Variants in BBS9 observed in about 807,000 individuals in gnomAD.
The protein encoded by BBS9 is protein PTHB1.
Under a neutral mutation model 117.7 loss-of-function variants are expected in BBS9, and 89 were observed. That is an observed-to-expected ratio of 0.76 (90% CI 0.64 to 0.90). The LOEUF (loss-of-function observed/expected upper bound fraction) is 0.90. Among genes scored for constraint, BBS9 ranks in the 40% least tolerant of loss-of-function variants. BBS9 has a pLI of 0.00. For missense variants in BBS9, 982 were observed against 1,042.2 expected (o/e 0.94, Z 0.80); for synonymous variants, 379 against 370.9 (o/e 1.02, Z -0.25).
In BBS9 at chr7:33,621,383, C is replaced by T. The variant is rs554858250; in HGVS notation, c.2522-13794C>T. ...ATCTGATTGAAAAATGGGCAAAGGA[C>T]CTGAATAGACATTTCTCAAAAGAAG... On this transcript the variant is annotated intron_variant, in intron 21 of 21. Transcript: ENST00000671952. Among the ~76,000 whole-genome samples the T allele has an allele frequency of 8.5e-5, 13 of 152,172 alleles. No homozygotes were observed. The South Asian group carries it at 2.5e-3, about 29-fold the overall frequency.
chr7:33,385,266 A>G (rs1204508279), intron 18 of BBS9, among the ~76,000 whole-genome samples: 1 of 152,222 alleles, frequency 6.6e-6, no homozygotes. Flanking sequence ...CTTAGAGAAT[A>G]TGGTGAATGA....
intron 19 of BBS9, among the ~76,000 whole-genome samples, chr7:33,440,766 C>T (rs572729171): frequency 3.3e-5 from 5 of 152,114 alleles, no homozygotes; most frequent in Non-Finnish European, 7.3e-5. Flanking sequence ...TACCATTGCA[C>T]GAGGTAGCCC....
chr7:33,581,025 A>C (rs1585346291), intron 21 of BBS9, among the ~76,000 whole-genome samples: 1 of 152,230 alleles, frequency 6.6e-6, no homozygotes, highest in East Asian at 1.9e-4. Flanking sequence ...TGGCCGTCAG[A>C]GAAAGCCTTT....
intron 19 of BBS9, among the ~76,000 whole-genome samples, chr7:33,483,850 C>A (rs893376404): frequency 6.6e-6 from 1 of 152,080 alleles, no homozygotes; most frequent in Admixed American, 6.6e-5. Flanking sequence ...GTTACCCAGG[C>A]TGGTCTCAAA....
chr7:33,201,376 A>AT (rs944840115), intron 5 of BBS9, among the ~76,000 whole-genome samples: 3 of 150,702 alleles, frequency 2.0e-5, no homozygotes, highest in South Asian at 2.1e-4. Context: ...TTTATTGTTA[A>AT]TTTTTTTTTC....
At chr7:33,384,773 T>C (rs1469447677) in intron 18 of BBS9, among the ~76,000 whole-genome samples, 1 of 151,768 alleles carries the variant, frequency 6.6e-6, no homozygotes, top group Non-Finnish European at 1.5e-5. Context: ...CAGCCAACCA[T>C]TGAACATTCT....
chr7:33,130,184 A>G (rs1168307263), intron 1 of BBS9, 143 bp downstream of exon 1: 1 of 152,192 alleles, frequency 6.6e-6, no homozygotes, highest in Non-Finnish European at 1.5e-5. Flanking sequence ...ACTGAAATAA[A>G]CAAACACTAG....
At chr7:33,545,417 C>G (rs1853143070) in intron 21 of BBS9, among the ~76,000 whole-genome samples, 1 of 152,120 alleles carries the variant, frequency 6.6e-6, no homozygotes, top group Admixed American at 6.6e-5. Context: ...TTGCTTGGCT[C>G]TCTAACTTGA....
intron 21 of BBS9, among the ~76,000 whole-genome samples, chr7:33,557,990 T>G (rs1855537925): frequency 6.6e-6 from 1 of 152,234 alleles, no homozygotes. Context: ...TGATGGCTCA[T>G]GAAGTCAGTT....
intron 19 of BBS9, among the ~76,000 whole-genome samples, chr7:33,402,749 A>G (rs531721970): frequency 1.3e-5 from 2 of 152,298 alleles, no homozygotes; most frequent in Admixed American, 6.5e-5. Flanking sequence ...TTACAAAGGT[A>G]TATTGCATGA....
chr7:33,512,812 C>G (rs1847164054), intron 20 of BBS9, among the ~76,000 whole-genome samples: 1 of 152,204 alleles, frequency 6.6e-6, no homozygotes, highest in South Asian at 2.1e-4. Context: ...TCTCCGTGTT[C>G]AGTTCATCTC....
intron 16 of BBS9, among the ~76,000 whole-genome samples, chr7:33,362,478 C>T (rs1159650598): frequency 6.6e-6 from 1 of 152,038 alleles, no homozygotes; most frequent in Non-Finnish European, 1.5e-5. Flanking sequence ...CATGTTTTTG[C>T]ATCTGGGTGT....
chr7:33,228,850 G>T (rs1197843143), intron 5 of BBS9, among the ~76,000 whole-genome samples: 2 of 152,114 alleles, frequency 1.3e-5, no homozygotes, highest in African/African-American at 4.8e-5. Flanking sequence ...CCCCAATTTT[G>T]CTGTCTCAGG....
intron 9 of BBS9, among the ~76,000 whole-genome samples, chr7:33,280,103 A>T (rs997244108): frequency 6.6e-6 from 1 of 152,242 alleles, no homozygotes; most frequent in Non-Finnish European, 1.5e-5. Flanking sequence ...GGCTAGGTCC[A>T]CAATAGTCAC....
At chr7:33,578,435 A>G (rs1383299323) in intron 21 of BBS9, among the ~76,000 whole-genome samples, 2 of 152,208 alleles carry the variant, frequency 1.3e-5, no homozygotes, top group African/African-American at 4.8e-5. Context: ...ATGGAGCAAG[A>G]CAATGCCAGA....
intron 19 of BBS9, among the ~76,000 whole-genome samples, chr7:33,407,069 A>G (rs998673735): frequency 2.0e-5 from 3 of 152,122 alleles, no homozygotes; most frequent in African/African-American, 7.2e-5. Context: ...TTTCAGATAC[A>G]CCAATCAGAC....
chr7:33,176,133 T>C (rs1797298132), intron 4 of BBS9, among the ~76,000 whole-genome samples: 1 of 152,192 alleles, frequency 6.6e-6, no homozygotes, highest in African/African-American at 2.4e-5. Flanking sequence ...AATGACGACC[T>C]GTTTTTAGAG....
chr7:33,373,183 T>C (rs1323705129), intron 17 of BBS9, among the ~76,000 whole-genome samples: 1 of 152,124 alleles, frequency 6.6e-6, no homozygotes, highest in Non-Finnish European at 1.5e-5. Flanking sequence ...AGACAAAGCA[T>C]TGTGGAATTT....
chr7:33,500,315 A>C (rs1249711011), intron 19 of BBS9, among the ~76,000 whole-genome samples: 1 of 152,244 alleles, frequency 6.6e-6, no homozygotes, highest in Non-Finnish European at 1.5e-5. Context: ...TATGGGGCTG[A>C]ATGTATAATT....
Sources: gnomAD v4.1 joint callset for allele counts (sites outside exome capture counted in the v4.1 genomes callset) on GRCh38, gnomAD v4.1.1 for gene constraint, MANE v1.5 for transcripts, NCBI Gene and HGNC (gene_info 2026-07-23, HGNC 2026-07-21) for gene names.